Variants in ANXA10 observed in about 807,000 individuals in gnomAD.
ANXA10 encodes annexin 14.
Under a neutral mutation model 53.5 loss-of-function variants are expected in ANXA10, and 49 were observed. The ratio of observed to expected loss-of-function variants is 0.92; its 90% CI spans 0.73 to 1.16. The LOEUF (loss-of-function observed/expected upper bound fraction) is 1.16, where lower values mean the gene tolerates loss of function less well. Among genes scored for constraint, ANXA10 ranks in the 50% most tolerant of loss-of-function variants. The pLI, the probability that ANXA10 is intolerant of heterozygous loss-of-function variation, is 0.00. For missense variants in ANXA10, 393 were observed against 394.4 expected, an observed-to-expected ratio of 1.00 and a Z score of 0.03; for synonymous variants, 131 against 128.9, an observed-to-expected ratio of 1.02 and a Z score of -0.11.
At chr4:168,107,688 G>A (rs571202693) in intron 1 of ANXA10, among the ~76,000 whole-genome samples, 2 of 152,210 alleles carry the variant, frequency 1.3e-5, no homozygotes, top group East Asian at 1.9e-4. Flanking sequence ...CGGTGTCTGC[G>A]GAGGGCCCTC....
chr4:168,098,095 TTAAATC>T (rs146537106), intron 1 of ANXA10, among the ~76,000 whole-genome samples: 3,774 of 152,012 alleles, frequency 0.025, 68 homozygotes, highest in Middle Eastern at 0.044. Flanking sequence ...AAGTATTACT[TTAAATC>T]TAAGGCACTC....
At chr4:168,113,021 G>A (rs1432101463) in intron 1 of ANXA10, among the ~76,000 whole-genome samples, 5 of 150,204 alleles carry the variant, frequency 3.3e-5, no homozygotes, top group South Asian at 2.1e-4. Flanking sequence ...AGACTCCATC[G>A]GAAAAAAAAA....
intron 6 of ANXA10, among the ~76,000 whole-genome samples, chr4:168,172,947 G>T (rs145494953): frequency 1.3e-5 from 2 of 152,072 alleles, no homozygotes; most frequent in African/African-American, 4.8e-5. Context: ...CTGTCACCAC[G>T]CCTGGCTAAT....
At chr4:168,169,754 C>T (rs1007994677) in intron 6 of ANXA10, among the ~76,000 whole-genome samples, 1 of 152,324 alleles carries the variant, frequency 6.6e-6, no homozygotes, top group South Asian at 2.1e-4. Flanking sequence ...CTATCTCCAA[C>T]CCCATTTGGT....
intron 6 of ANXA10, among the ~76,000 whole-genome samples, chr4:168,171,261 T>C (rs1463596021): frequency 6.6e-6 from 1 of 152,186 alleles, no homozygotes; most frequent in Non-Finnish European, 1.5e-5. Context: ...TGGGGCACCA[T>C]AGTGTAATCA....
chr4:168,103,115 G>A (rs1054147866), intron 1 of ANXA10, among the ~76,000 whole-genome samples: 8 of 151,824 alleles, frequency 5.3e-5, no homozygotes, highest in Admixed American at 3.9e-4. Flanking sequence ...TTCTTTCTGT[G>A]GATTGTCTTT....
intron 3 of ANXA10, among the ~76,000 whole-genome samples, chr4:168,145,019 G>T (rs962320530): frequency 1.3e-5 from 2 of 152,104 alleles, no homozygotes; most frequent in South Asian, 4.2e-4. Context: ...AGTGGGTAGG[G>T]GGTCAGAAAG....
intron 1 of ANXA10, among the ~76,000 whole-genome samples, chr4:168,121,795 T>A (rs192888666): frequency 1.3e-5 from 2 of 152,226 alleles, no homozygotes; most frequent in Admixed American, 1.3e-4. Flanking sequence ...TCCCTTTAGT[T>A]TTTCAGCTTT....
At chr4:168,182,318 ATTTTTTTTTTTTTT>A (rs542260478) in intron 10 of ANXA10, among the ~76,000 whole-genome samples, 4 of 49,726 alleles carry the variant, frequency 8.0e-5, no homozygotes, top group Admixed American at 3.0e-4. Context: ...TGGAGCATTA[ATTTTTTTTTTTTTT>A]TTTTTTTTTT....
intron 6 of ANXA10, among the ~76,000 whole-genome samples, chr4:168,169,777 C>G (rs61217876): frequency 0.011 from 1,692 of 152,310 alleles, 32 homozygotes; most frequent in African/African-American, 0.037. Context: ...CACTCCAATT[C>G]TACTTCTATT....
intron 3 of ANXA10, among the ~76,000 whole-genome samples, chr4:168,154,625 GATCCATTTGC>G (rs1251750576): frequency 1.3e-5 from 2 of 152,046 alleles, no homozygotes; most frequent in Admixed American, 6.6e-5. Context: ...ATATTGAATT[GATCCATTTGC>G]ATTCAAACCT....
chr4:168,099,094 T>C (rs1231677142), intron 1 of ANXA10, among the ~76,000 whole-genome samples: 1 of 152,176 alleles, frequency 6.6e-6, no homozygotes, highest in East Asian at 1.9e-4. Flanking sequence ...AAGAAAGCAC[T>C]TTAACCACAG....
chr4:168,129,079 C>T (rs1203164132), intron 2 of ANXA10, among the ~76,000 whole-genome samples: 3 of 152,064 alleles, frequency 2.0e-5, no homozygotes, highest in African/African-American at 7.2e-5. Flanking sequence ...TAAAAGAAAT[C>T]TTTGCATAAG....
intron 3 of ANXA10, among the ~76,000 whole-genome samples, chr4:168,154,353 T>A (rs1341487761): frequency 6.6e-6 from 1 of 152,156 alleles, no homozygotes; most frequent in Non-Finnish European, 1.5e-5. Flanking sequence ...GTGCACTCAG[T>A]ACTTTGCTAG....
Position 168,184,600 on chromosome 4 carries a change from T to C in ANXA10, c.825T>C (p.Ile275=), listed in dbSNP as rs376922347. ...ATAAAACTGTAATCAGGATTCTCAT[T>C]GCCAGAAGTGAAATAGACCTGCTGA... is the stretch of plus-strand genomic sequence containing the variant. ...FHNKTVIRIL[I]ARSEIDLLTI... is the part of the protein sequence containing the mutation. The change falls in exon 11 of 12, where the codon ATT becomes ATC. Residue 275 remains isoleucine (I), a synonymous_variant. Transcript: ENST00000359299. 1 of 1,613,892 alleles carries C rather than the reference T, an allele frequency of 6.2e-7. No individual in the cohort carries two copies. The highest frequency in any genetic ancestry group is 2.2e-5 in the East Asian group (1 of 44,874).
chr4:168,136,613 C>T (rs1239682670), intron 2 of ANXA10, among the ~76,000 whole-genome samples: 1 of 152,194 alleles, frequency 6.6e-6, no homozygotes, highest in Non-Finnish European at 1.5e-5. Flanking sequence ...AAGAGGTGGG[C>T]TCCCAAGGCC....
At chr4:168,119,453 C>T (rs756664996) in intron 1 of ANXA10, among the ~76,000 whole-genome samples, 1 of 152,124 alleles carries the variant, frequency 6.6e-6, no homozygotes, top group African/African-American at 2.4e-5. Context: ...CATAGAATCA[C>T]AGAATTTTTA....
chr4:168,094,967 G>A (rs989661846), intron 1 of ANXA10, among the ~76,000 whole-genome samples: 1 of 151,938 alleles, frequency 6.6e-6, no homozygotes, highest in African/African-American at 2.4e-5. Context: ...TCAAAAGCAA[G>A]GTTTAATTAA....
In ANXA10 at chr4:168,164,220, G is replaced by A. The variant is rs1414628006; in HGVS notation, c.332G>A (p.Cys111Tyr). Residue 111 changes from cysteine to tyrosine, a missense_variant, in exon 5 of 12, where the codon TGC (cysteine) becomes TAC (tyrosine). Coordinates refer to ENST00000359299, the MANE Select transcript of ANXA10 (RefSeq NM_007193.5). ...TAGGGAGTAGGCACTGATGAGAATTGCCTCATTGAAATACTAGCTTCAAGA... is the reference window on the plus strand; with the variant it reads ...TAGGGAGTAGGCACTGATGAGAATTACCTCATTGAAATACTAGCTTCAAGA... ...AMKGVGTDEN[C>Y]LIEILASRTN... The A allele has an allele frequency of 3.1e-6, 5 of 1,612,260 alleles. No homozygotes were observed. The highest frequency in any genetic ancestry group is 1.7e-4 in the Middle Eastern group (1 of 6,052).
Sources: allele counts gnomAD v4.1 joint callset (sites outside exome capture counted in the v4.1 genomes callset), GRCh38; gene constraint gnomAD v4.1.1; transcripts MANE v1.5; gene names NCBI Gene and HGNC (gene_info 2026-07-23, HGNC 2026-07-21).